The following TENM4 variants were observed in gnomAD, a reference collection of about 807,000 sequenced individuals.
TENM4 encodes teneurin-4.
Under a neutral mutation model 243.3 loss-of-function variants are expected in TENM4, and 82 were observed. The observed-to-expected ratio is 0.34, with a 90% confidence interval of 0.28 to 0.40. TENM4 has a LOEUF of 0.40. Among genes scored for constraint, TENM4 ranks in the 10% least tolerant of loss-of-function variants. TENM4 has a pLI of 1.00. For missense variants in TENM4, 3,138 were observed against 3,673.3 expected, an observed-to-expected ratio of 0.85 and a Z score of 3.77; for synonymous variants, 1,412 against 1,456.3, an observed-to-expected ratio of 0.97 and a Z score of 0.69.
intron 12 of TENM4, among the ~76,000 whole-genome samples, chr11:78,830,825 G>A (rs958966816): frequency 1.3e-5 from 2 of 152,168 alleles, no homozygotes; most frequent in Non-Finnish European, 2.9e-5. Flanking sequence ...AGTCAAAGAA[G>A]TACTAGAATA....
At chr11:78,962,626 T>G (rs1310455118) in intron 6 of TENM4, among the ~76,000 whole-genome samples, 1 of 152,116 alleles carries the variant, frequency 6.6e-6, no homozygotes, top group Non-Finnish European at 1.5e-5. Flanking sequence ...GTTCTGCCTG[T>G]TCTTTAAGAC....
intron 2 of TENM4, among the ~76,000 whole-genome samples, chr11:79,224,306 A>G (rs1864219097): frequency 1.3e-5 from 2 of 152,192 alleles, no homozygotes; most frequent in Admixed American, 1.3e-4. Context: ...GCACCTTAAC[A>G]ACGCCGAGTT....
chr11:78,676,088 C>T, intron 30 of TENM4, 64 bp downstream of exon 30: 1 of 1,378,974 alleles, frequency 7.3e-7, no homozygotes, highest in Non-Finnish European at 9.6e-7. Flanking sequence ...AAGAACAGAG[C>T]CCCGTTCTCC....
At chr11:78,749,104 T>C (rs1009814681) in intron 19 of TENM4, 8 of 152,226 alleles carry the variant, frequency 5.3e-5, no homozygotes, top group Non-Finnish European at 7.3e-5. Context: ...TAATTCATTT[T>C]TGAAATCAAT....
intron 1 of TENM4, chr11:79,439,146 A>C: frequency 7.6e-6 from 1 of 132,158 alleles, no homozygotes. Context: ...CACCCCGGCG[A>C]TTGGAATCCC....
chr11:78,814,522 A>C (rs925242004), intron 12 of TENM4, 127 bp from the exon 13 acceptor site: 90 of 704,982 alleles, frequency 1.3e-4, no homozygotes, highest in Admixed American at 3.2e-5. Context: ...CACTGAAAGG[A>C]ATGAATGGAG....
chr11:79,097,576 T>C (rs1385898346), intron 4 of TENM4: 1 of 152,226 alleles, frequency 6.6e-6, no homozygotes, highest in Non-Finnish European at 1.5e-5. Context: ...TGTATTTTTG[T>C]TCTCTTCAAA....
At chr11:78,869,567 A>G (rs141764748) in intron 9 of TENM4, among the ~76,000 whole-genome samples, 2 of 152,296 alleles carry the variant, frequency 1.3e-5, no homozygotes, top group African/African-American at 4.8e-5. Flanking sequence ...CCGACCCCAG[A>G]CATGAGGAAT....
chr11:79,091,386 A>G (rs1860945822), intron 4 of TENM4, among the ~76,000 whole-genome samples: 1 of 152,106 alleles, frequency 6.6e-6, no homozygotes, highest in African/African-American at 2.4e-5. Flanking sequence ...TATGAGCCAG[A>G]CACCATTCTA....
intron 15 of TENM4, among the ~76,000 whole-genome samples, chr11:78,800,560 TC>T (rs1176413151): frequency 1.3e-5 from 2 of 152,168 alleles, no homozygotes; most frequent in African/African-American, 4.8e-5. Flanking sequence ...GCTGGGATCT[TC>T]CTGGACAGAG....
chr11:78,740,755 G>C (rs919340779), intron 19 of TENM4, among the ~76,000 whole-genome samples: 6 of 152,188 alleles, frequency 3.9e-5, no homozygotes, highest in African/African-American at 1.4e-4. Context: ...GTCCTGGGGG[G>C]ATGGCTTCCT....
chr11:78,864,694 C>A (rs1858919840), intron 9 of TENM4, among the ~76,000 whole-genome samples: 1 of 152,126 alleles, frequency 6.6e-6, no homozygotes, highest in African/African-American at 2.4e-5. Context: ...TTCTGATGCC[C>A]ATCTGAATTC....
intron 4 of TENM4, among the ~76,000 whole-genome samples, chr11:79,122,391 G>A (rs920019894): frequency 6.6e-6 from 1 of 152,148 alleles, no homozygotes; most frequent in Non-Finnish European, 1.5e-5. Context: ...AGATTAAAAG[G>A]TGATTTTTAA....
rs1177686771 is a variant in TENM4, at chr11:78,656,124, C to T, written c.*1934G>A. The T allele has an allele frequency of 6.6e-6, 1 of 152,266 alleles. No homozygotes were observed. Among genetic ancestry groups the T allele is most frequent in the African/African-American group, 2.4e-5 (1 of 41,460 alleles). The allele number at this position is 152,266 out of a possible 1,614,324, so 9.4% of individuals were successfully genotyped here. A position where few individuals can be genotyped will look rare whatever the true frequency, so the allele number is the denominator to read the frequency against. ...TCCCCAAGAAGTTTTGGTTGCCTCC[C>T]TCTGCCAGGCAGAACCCAGACTACA... On this transcript the variant is annotated 3_prime_UTR_variant, in exon 34 of 34. Coordinates refer to ENST00000278550, the MANE Select transcript of TENM4 (RefSeq NM_001098816.3).
chr11:79,391,596 T>G (rs1195950810), intron 1 of TENM4, among the ~76,000 whole-genome samples: 1 of 152,028 alleles, frequency 6.6e-6, no homozygotes, highest in Non-Finnish European at 1.5e-5. Context: ...AAAGGTTGGG[T>G]TTTTTTTATA....
intron 3 of TENM4, among the ~76,000 whole-genome samples, chr11:79,149,764 T>G (rs908445961): frequency 6.6e-5 from 10 of 152,134 alleles, no homozygotes; most frequent in African/African-American, 2.4e-4. Context: ...TCTTTAAATG[T>G]TTCTGCATCT....
At chr11:78,890,083 C>A in intron 8 of TENM4, 63 bp from the exon 9 acceptor site, 2 of 1,367,996 alleles carry the variant, frequency 1.5e-6, no homozygotes, top group Non-Finnish European at 2.0e-6. Context: ...CCCAGACAAA[C>A]CTGGAGGCCA....
At chr11:79,194,257 C>T (rs1198342071) in intron 3 of TENM4, among the ~76,000 whole-genome samples, 1 of 151,678 alleles carries the variant, frequency 6.6e-6, no homozygotes, top group Non-Finnish European at 1.5e-5. Flanking sequence ...TTGGATATGT[C>T]TTTATCAACA....
At chr11:79,126,382 A>G (rs949912533) in intron 4 of TENM4, among the ~76,000 whole-genome samples, 32 of 152,268 alleles carry the variant, frequency 2.1e-4, no homozygotes, top group African/African-American at 7.2e-4. Flanking sequence ...CAGATCTAAC[A>G]GTGGGAACCA....
Sources: gnomAD v4.1 joint callset for allele counts (sites outside exome capture counted in the v4.1 genomes callset) on GRCh38, gnomAD v4.1.1 for gene constraint, MANE v1.5 for transcripts, NCBI Gene and HGNC (gene_info 2026-07-23, HGNC 2026-07-21) for gene names.